Variants in MTHFD2 observed in about 807,000 individuals in gnomAD.
MTHFD2 encodes the protein bifunctional methylenetetrahydrofolate dehydrogenase/cyclohydrolase, mitochondrial.
A neutral mutation model predicts 36.8 loss-of-function variants in MTHFD2; 26 were observed. The observed-to-expected ratio is 0.71, with a 90% confidence interval of 0.52 to 0.98. The LOEUF is 0.98. Ranked by LOEUF, MTHFD2 falls within the 50% of genes least tolerant of loss-of-function variation. MTHFD2 has a pLI of 0.00. For synonymous variants in MTHFD2, 164 were observed against 155.2 expected (o/e 1.06, Z -0.42); for missense variants, 373 against 434.0 (o/e 0.86, Z 1.25).
rs772259335 is a variant in MTHFD2 at position 74,214,154 on chromosome 2, A to G, written c.965A>G (p.Lys322Arg). The G allele has an allele frequency of 2.0e-5, 33 of 1,613,998 alleles. No individual in the cohort carries two copies. Among genetic ancestry groups the G allele is most frequent in the Middle Eastern group, 3.3e-4 (2 of 6,082 alleles). Residue 322 changes from lysine (K) to arginine (R), a missense_variant, in exon 8 of 8, where the codon AAG becomes AGG. Transcript: ENST00000394053. ...CCCATGACAGTGGCAATGCTAATGA[A>G]GAATACCATTATTGCTGCAAAAAAG... ...VGPMTVAMLM[K>R]NTIIAAKKVL...
At chr2:74,212,895 C>T (rs140710681) in intron 7 of MTHFD2, among the ~76,000 whole-genome samples, 1 of 143,504 alleles carries the variant, frequency 7.0e-6, no homozygotes, top group Non-Finnish European at 1.5e-5. Context: ...TAGTAGATTT[C>T]TTCTTTCAGT....
At chr2:74,201,343 GGAT>G (rs1026898626) in intron 1 of MTHFD2, among the ~76,000 whole-genome samples, 8 of 151,700 alleles carry the variant, frequency 5.3e-5, no homozygotes, top group African/African-American at 1.9e-4. Context: ...TATCTTAATG[GGAT>G]TTTTTTCTTT....
At chr2:74,206,786 G>A (rs1015257312) in intron 2 of MTHFD2, among the ~76,000 whole-genome samples, 3 of 152,114 alleles carry the variant, frequency 2.0e-5, no homozygotes, top group Admixed American at 6.5e-5. Context: ...TCGGCTCTCC[G>A]CAACCTCCGC....
intron 6 of MTHFD2, 31 bp downstream of exon 6, chr2:74,211,322 C>G: frequency 7.0e-7 from 1 of 1,420,026 alleles, no homozygotes; most frequent in Non-Finnish European, 9.9e-7. Context: ...GAGGGAAGGA[C>G]TTCACCTCAG....
intron 1 of MTHFD2, among the ~76,000 whole-genome samples, chr2:74,201,923 G>A (rs186604504): frequency 3.0e-4 from 46 of 151,542 alleles, no homozygotes; most frequent in African/African-American, 1.1e-3. Context: ...TTTGTTTTTG[G>A]TTCTTGTTAC....
chr2:74,199,548 C>A (rs544139617), intron 1 of MTHFD2, among the ~76,000 whole-genome samples: 48 of 152,194 alleles, frequency 3.2e-4, no homozygotes, highest in African/African-American at 1.1e-3. Context: ...GTATTTAATA[C>A]CACTGAACTG....
chr2:74,206,088 G>A (rs1694173866), intron 2 of MTHFD2, 199 bp downstream of exon 2: 1 of 477,836 alleles, frequency 2.1e-6, no homozygotes, highest in South Asian at 3.8e-5. Context: ...AGGAGATACT[G>A]GTTGGTATTC....
chr2:74,201,076 C>T (rs1694032913), intron 1 of MTHFD2, among the ~76,000 whole-genome samples: 1 of 152,218 alleles, frequency 6.6e-6, no homozygotes, highest in African/African-American at 2.4e-5. Context: ...CAACCTCTGC[C>T]TCCTGGGTTC....
intron 4 of MTHFD2, among the ~76,000 whole-genome samples, chr2:74,209,541 G>A (rs985407021): frequency 1.3e-5 from 2 of 151,994 alleles, no homozygotes; most frequent in Non-Finnish European, 1.5e-5. Context: ...GTGAGCCATC[G>A]CGCGTGGCCT....
chr2:74,217,085 G>A lies in MTHFD2; in HGVS notation c.*2843G>A, dbSNP rs756607907. ...CTATGGACCAGGCACTACACTAGAC[G>A]CTGGGAATTACAGAGGCAATTACCT... On this transcript the variant is annotated 3_prime_UTR_variant, in exon 8 of 8. Transcript: ENST00000394053. 7 of 152,156 alleles carry A rather than the reference G, an allele frequency of 4.6e-5. No individual in the cohort carries two copies. Among genetic ancestry groups the A allele is most frequent in the African/African-American group, 9.7e-5 (4 of 41,446 alleles). 9.4% of individuals were successfully genotyped at this position (152,156 alleles called of 1,614,324 possible). A position where few individuals can be genotyped will look rare whatever the true frequency, so the allele number is the denominator to read the frequency against.
rs1258994897 is a variant in MTHFD2, at chr2:74,215,467, C to T, written c.*1225C>T. Reference sequence around the variant, plus strand: ...TAGAGATGGGGTCTTGCTATGTTGCCTGGGCTGGTATTGAACTCCTGGCCT... The same window carrying T: ...TAGAGATGGGGTCTTGCTATGTTGCTTGGGCTGGTATTGAACTCCTGGCCT... On this transcript the variant is annotated 3_prime_UTR_variant, in exon 8 of 8. Transcript: ENST00000394053. 6.8e-6 allele frequency: 1 copy of T among 146,538 alleles called. No individual in the cohort carries two copies. The highest frequency in any genetic ancestry group is 1.5e-5 in the Non-Finnish European group (1 of 67,366). 9.1% of individuals were successfully genotyped at this position (146,538 alleles called of 1,614,324 possible).
At position 74,214,169 on chromosome 2, in the gene MTHFD2, C is replaced by G. The variant is rs556127384; in HGVS notation, c.980C>G (p.Ala327Gly). ...ATGCTAATGAAGAATACCATTATTG[C>G]TGCAAAAAAGGTGCTGAGGCTTGAA... is the stretch of plus-strand genomic sequence containing the variant. ...VAMLMKNTII[A>G]AKKVLRLEER... is the part of the protein sequence containing the mutation. The change falls in exon 8 of 8, where the codon GCT (alanine) becomes GGT (glycine). Residue 327 changes from alanine (A) to glycine (G), a missense_variant. By Grantham distance (60) the Ala-to-Gly change is moderately conservative. Around this residue, in one of 2 missense-constraint regions of MTHFD2, gnomAD observed 308 missense variants for 397.8 expected, o/e 0.77. Transcript: ENST00000394053. 1.9e-6 allele frequency: 3 copies of G among 1,614,066 alleles called. No homozygotes were observed. The African/African-American group carries it at 4.0e-5, about 22-fold the overall frequency.
At chr2:74,212,168 C>CT (rs1409709501) in intron 7 of MTHFD2, among the ~76,000 whole-genome samples, 20 of 112,610 alleles carry the variant, frequency 1.8e-4, no homozygotes, top group Admixed American at 1.2e-3. Flanking sequence ...TCCCTTCCTT[C>CT]TTTCTTTCCT....
Position 74,217,410 on chromosome 2 carries a change from CAAAT to C in MTHFD2, c.*3170_*3173del, listed in dbSNP as rs1050791746. On this transcript the variant is annotated 3_prime_UTR_variant, in exon 8 of 8. Transcript: ENST00000394053. Reference sequence around the variant, plus strand: ...TCATTGAAACTGGTTTTTATCTTCCCAAATAGTTTTCAATCATTCCTTTAAAGTA... The same window carrying C: ...TCATTGAAACTGGTTTTTATCTTCCCAGTTTTCAATCATTCCTTTAAAGTA... 5.3e-5 allele frequency: 8 copies of C among 152,038 alleles called. No individual in the cohort carries two copies. The highest frequency in any genetic ancestry group is 1.9e-4 in the African/African-American group (8 of 41,384). The allele number at this position is 152,038 out of a possible 1,614,324, so 9.4% of individuals were successfully genotyped here.
intron 4 of MTHFD2, 83 bp downstream of exon 4, chr2:74,208,804 A>C: frequency 7.1e-7 from 1 of 1,407,774 alleles, no homozygotes; most frequent in Non-Finnish European, 9.9e-7. Flanking sequence ...ACAGTCCCAA[A>C]GAGTGGAAAC....
chr2:74,207,960 G>A (rs1418836593), intron 3 of MTHFD2, 134 bp downstream of exon 3: 5 of 931,318 alleles, frequency 5.4e-6, no homozygotes, highest in East Asian at 5.0e-5. Flanking sequence ...CCAGGCTAGA[G>A]TGCAATGGTA....
intron 6 of MTHFD2, 41 bp from the exon 7 acceptor site, chr2:74,211,700 G>A (rs1694307141): frequency 1.3e-6 from 2 of 1,552,924 alleles, no homozygotes; most frequent in East Asian, 4.6e-5. Flanking sequence ...CAGGTAGACT[G>A]TTTTCAGTAC....
intron 6 of MTHFD2, 123 bp downstream of exon 6, chr2:74,211,414 G>A: frequency 1.5e-6 from 1 of 654,154 alleles, no homozygotes; most frequent in Non-Finnish European, 2.6e-6. Flanking sequence ...TCTTTGAGCT[G>A]CCTACAAAGA....
chr2:74,212,300 CTG>C, intron 7 of MTHFD2, among the ~76,000 whole-genome samples: 1 of 115,616 alleles, frequency 8.6e-6, no homozygotes, highest in East Asian at 3.0e-4. Context: ...CAGTCTCACT[CTG>C]TCACCCAGGC....
Sources: allele counts gnomAD v4.1 joint callset (sites outside exome capture counted in the v4.1 genomes callset), GRCh38; gene constraint gnomAD v4.1.1; regional missense constraint gnomAD v4.1.1; transcripts MANE v1.5; gene names NCBI Gene and HGNC (gene_info 2026-07-23, HGNC 2026-07-21).